Variants in PRKN observed in about 807,000 individuals in gnomAD.
PRKN encodes the protein parkin RBR E3 ubiquitin protein ligase.
PRKN carries 56 observed loss-of-function variants against 59.5 expected under a neutral mutation model. The ratio of observed to expected loss-of-function variants is 0.94; its 90% confidence interval spans 0.76 to 1.18. PRKN has a LOEUF of 1.18. Among genes scored for constraint, PRKN ranks in the 50% most tolerant of loss-of-function variants. The probability of loss-of-function intolerance (pLI) is 0.00; values close to 1 mark genes in which losing one functional copy is unlikely to be tolerated. For synonymous variants in PRKN, 250 were observed against 222.1 expected, an observed-to-expected ratio of 1.13 and a Z score of -1.12; for missense variants, 657 against 596.4, an observed-to-expected ratio of 1.10 and a Z score of -1.06.
At chr6:162,163,880 C>G (rs1782865009) in intron 4 of PRKN, among the ~76,000 whole-genome samples, 1 of 149,248 alleles carries the variant, frequency 6.7e-6, no homozygotes, top group Admixed American at 6.7e-5. Context: ...ACCTGCTCTG[C>G]AGCTACAGGC....
At chr6:161,813,593 C>T (rs1370655740) in intron 6 of PRKN, among the ~76,000 whole-genome samples, 5 of 152,164 alleles carry the variant, frequency 3.3e-5, no homozygotes, top group Middle Eastern at 3.2e-3. Context: ...ATGCCCATGC[C>T]GCATCACCAT....
intron 7 of PRKN, among the ~76,000 whole-genome samples, chr6:161,648,770 T>A (rs1037043764): frequency 2.0e-5 from 3 of 152,196 alleles, no homozygotes; most frequent in African/African-American, 7.2e-5. Flanking sequence ...AACTTAAGCA[T>A]TCAAGCCCAG....
chr6:162,269,402 A>C (rs1305514000), intron 2 of PRKN, among the ~76,000 whole-genome samples: 1 of 152,172 alleles, frequency 6.6e-6, no homozygotes, highest in Non-Finnish European at 1.5e-5. Context: ...AACTTACCCA[A>C]GTCAAGTCTG....
intron 5 of PRKN, among the ~76,000 whole-genome samples, chr6:162,020,074 C>A (rs553179188): frequency 1.3e-5 from 2 of 151,192 alleles, no homozygotes; most frequent in African/African-American, 4.8e-5. Context: ...GGTCTAATGT[C>A]AGCAGCACCT....
chr6:161,674,322 C>G (rs1009831049), intron 7 of PRKN, among the ~76,000 whole-genome samples: 1 of 151,836 alleles, frequency 6.6e-6, no homozygotes, highest in African/African-American at 2.4e-5. Flanking sequence ...TCTAGTATCT[C>G]AAATAAATAA....
intron 2 of PRKN, among the ~76,000 whole-genome samples, chr6:162,435,357 T>C (rs1387592831): frequency 1.3e-5 from 2 of 152,196 alleles, no homozygotes; most frequent in African/African-American, 2.4e-5. Context: ...GCTTTTTTTT[T>C]TTCTTCAAGT....
chr6:161,699,834 T>C (rs968273574), intron 7 of PRKN, among the ~76,000 whole-genome samples: 5 of 152,126 alleles, frequency 3.3e-5, no homozygotes, highest in Admixed American at 6.6e-5. Flanking sequence ...ACAACATGTA[T>C]CAGACTGTAC....
intron 7 of PRKN, among the ~76,000 whole-genome samples, chr6:161,735,608 A>G (rs186958584): frequency 3.3e-5 from 5 of 152,226 alleles, no homozygotes; most frequent in African/African-American, 1.2e-4. Flanking sequence ...TCAAGGATCA[A>G]CTGTATTTTT....
chr6:161,720,074 A>G (rs568297460), intron 7 of PRKN, among the ~76,000 whole-genome samples: 1 of 152,358 alleles, frequency 6.6e-6, no homozygotes, highest in East Asian at 1.9e-4. Context: ...CAACAAACCA[A>G]CAGAGAAAAC....
At chr6:162,649,185 T>G (rs374593077) in intron 1 of PRKN, among the ~76,000 whole-genome samples, 3 of 152,156 alleles carry the variant, frequency 2.0e-5, no homozygotes, top group African/African-American at 7.2e-5. Flanking sequence ...CAACAAGTAT[T>G]TATTGAGTGC....
At chr6:161,615,709 C>T (rs1417738901) in intron 7 of PRKN, among the ~76,000 whole-genome samples, 1 of 152,232 alleles carries the variant, frequency 6.6e-6, no homozygotes, top group African/African-American at 2.4e-5. Flanking sequence ...TGCCACAGGG[C>T]AGAATCTGCA....
At chr6:162,438,107 A>T (rs537831318) in intron 2 of PRKN, among the ~76,000 whole-genome samples, 2 of 152,156 alleles carry the variant, frequency 1.3e-5, no homozygotes, top group Admixed American at 1.3e-4. Context: ...TTTATTTTGT[A>T]TTTTAATTTA....
chr6:161,823,299 C>T (rs1251409020), intron 6 of PRKN, among the ~76,000 whole-genome samples: 3 of 151,920 alleles, frequency 2.0e-5, no homozygotes, highest in South Asian at 2.1e-4. Context: ...TTTCTTCTGT[C>T]GGCAGCAAAT....
At chr6:161,778,130 G>C (rs372847507) in intron 7 of PRKN, among the ~76,000 whole-genome samples, 1 of 152,070 alleles carries the variant, frequency 6.6e-6, no homozygotes, top group African/African-American at 2.4e-5. Flanking sequence ...GAAGATCCTG[G>C]AACAGTGCCA....
chr6:161,440,991 G>A lies in PRKN; in HGVS notation c.1084-54114C>T, dbSNP rs529561920. ...TCTTGCAAAATCTCATTGGTAAAGA[G>A]AGAGAGGATTTTCCTAACAAAAATG... On this transcript the variant is annotated intron_variant, in intron 9 of 11. Transcript: ENST00000366898. This position sits in a 1 kb window ranked among gnomAD's most constrained non-coding sequence, Gnocchi z 4.1. Among the ~76,000 whole-genome samples, 1 of 152,196 alleles carries A rather than the reference G, an allele frequency of 6.6e-6. No individual in the cohort carries two copies. The highest frequency in any genetic ancestry group is 2.4e-5 in the African/African-American group (1 of 41,454).
intron 7 of PRKN, among the ~76,000 whole-genome samples, chr6:161,646,545 C>T (rs1237223329): frequency 5.2e-5 from 7 of 135,886 alleles, no homozygotes; most frequent in East Asian, 2.2e-4. Context: ...GCGTGCGTGG[C>T]GGAGGAGGTG....
At chr6:161,749,079 T>C (rs186151255) in intron 7 of PRKN, among the ~76,000 whole-genome samples, 278 of 152,212 alleles carry the variant, frequency 1.8e-3, no homozygotes, top group Middle Eastern at 0.01. Context: ...AACAGATGAC[T>C]CTCTATAGTA....
chr6:162,339,133 C>T (rs1415607329), intron 2 of PRKN, among the ~76,000 whole-genome samples: 14 of 147,504 alleles, frequency 9.5e-5, no homozygotes, highest in Non-Finnish European at 7.5e-5. Flanking sequence ...CCCCTCCGCC[C>T]GGCAGCCGCC....
At chr6:162,364,962 CCTCT>C (rs537201683) in intron 2 of PRKN, among the ~76,000 whole-genome samples, 4,479 of 143,774 alleles carry the variant, frequency 0.031, 64 homozygotes, top group South Asian at 0.048. Flanking sequence ...CTCTCTTCTC[CCTCT>C]CTCTCTCTCT....
Sources: gnomAD v4.1 joint callset for allele counts (sites outside exome capture counted in the v4.1 genomes callset) on GRCh38, gnomAD v4.1.1 for gene constraint, Gnocchi (gnomAD v3.1) non-coding constraint, MANE v1.5 for transcripts, NCBI Gene and HGNC (gene_info 2026-07-23, HGNC 2026-07-21) for gene names.